DEDD2: variants seen among roughly 807,000 people sequenced by gnomAD.
DEDD2 encodes death effector domain containing 2.
DEDD2 carries 18 observed loss-of-function variants against 28.9 expected under a neutral mutation model. That is an observed-to-expected ratio of 0.62 (90% CI 0.43 to 0.92). The LOEUF (loss-of-function observed/expected upper bound fraction) is 0.92. Ranked by LOEUF, DEDD2 falls within the 40% of genes least tolerant of loss-of-function variation. The probability of loss-of-function intolerance (pLI) is 0.00; values close to 1 mark genes in which losing one functional copy is unlikely to be tolerated. For synonymous variants in DEDD2, 211 were observed against 206.1 expected (o/e 1.02, Z -0.20); for missense variants, 411 against 463.3 (o/e 0.89, Z 1.04).
chr19:42,199,640 T>A lies in DEDD2; in HGVS notation c.779A>T (p.Asp260Val). The A allele has an allele frequency of 6.2e-7, 1 of 1,614,084 alleles. No homozygotes were observed. The highest frequency in any genetic ancestry group is 8.5e-7 in the Non-Finnish European group (1 of 1,179,970). The change falls in exon 5 of 5, where the codon GAC becomes GTC. Residue 260 changes from aspartate (D) to valine (V), a missense_variant. Asp to Val is a radical substitution (Grantham distance 152). This residue lies in a region of DEDD2 where 129 missense variants were observed against 189.9 expected (regional missense o/e 0.68). Coordinates refer to ENST00000596251, the MANE Select transcript of DEDD2 (RefSeq NM_133328.4). The surrounding 1 kb of genome is among the most constrained non-coding windows in gnomAD (Gnocchi z 7.4). ...DIKFSELSYL[D>V]AFWGDYLSGA... ...ACTCAGGTAGTCGCCCCAGAAGGCG[T>A]CCAGATAGGAGAGCTCTGAGAACTT...
upstream of DEDD2, among the ~76,000 whole-genome samples, chr19:42,218,388 C>A (rs910135610): frequency 6.6e-6 from 1 of 152,096 alleles, no homozygotes; most frequent in African/African-American, 2.4e-5. Flanking sequence ...CGACCCCCAT[C>A]ACAGTCAGAT....
At chr19:42,206,220 C>T (rs1382695720) in intron 4 of DEDD2, among the ~76,000 whole-genome samples, 1 of 152,010 alleles carries the variant, frequency 6.6e-6, no homozygotes, top group East Asian at 1.9e-4. Flanking sequence ...TTCCCTCTCC[C>T]GCCCTCACCT....
chr19:42,199,516 C>T lies in DEDD2; in HGVS notation c.903G>A (p.Glu301=). ...EAVRLLVSVD[E]ADYEAGRRRL... Reference sequence around the variant, plus strand: ...GGCGCCGGCCAGCCTCATAGTCAGCCTCATCCACACTGACCAGCAGGCGAA... The same window carrying T: ...GGCGCCGGCCAGCCTCATAGTCAGCTTCATCCACACTGACCAGCAGGCGAA... Residue 301 remains glutamate (E), a synonymous_variant, in exon 5 of 5, where the codon GAG becomes GAA. Transcript: ENST00000596251. The surrounding 1 kb of genome is among the most constrained non-coding windows in gnomAD (Gnocchi z 7.4). 7.4e-6 allele frequency: 12 copies of T among 1,613,984 alleles called. No individual in the cohort carries two copies. Among genetic ancestry groups the T allele is most frequent in the Non-Finnish European group, 9.3e-6 (11 of 1,179,954 alleles).
intron 2 of DEDD2, 138 bp from the exon 3 acceptor site, chr19:42,215,390 C>G: frequency 9.2e-6 from 10 of 1,086,662 alleles, no homozygotes; most frequent in Non-Finnish European, 1.3e-5. Context: ...CAAACACCTC[C>G]TGCAGAGGTT....
chr19:42,211,651 T>C (rs1268107314), intron 3 of DEDD2, among the ~76,000 whole-genome samples: 1 of 152,246 alleles, frequency 6.6e-6, no homozygotes, highest in African/African-American at 2.4e-5. Flanking sequence ...TGTACTGACT[T>C]TGTTATTTTG....
upstream of DEDD2, among the ~76,000 whole-genome samples, chr19:42,218,723 G>A (rs2036070764): frequency 6.6e-6 from 1 of 152,222 alleles, no homozygotes; most frequent in Non-Finnish European, 1.5e-5. Context: ...GGCTCTGCCT[G>A]AGCTGTAGCA....
At chr19:42,207,664 T>G (rs2035586923) in intron 4 of DEDD2, among the ~76,000 whole-genome samples, 1 of 152,206 alleles carries the variant, frequency 6.6e-6, no homozygotes, top group Non-Finnish European at 1.5e-5. Flanking sequence ...GAGGACTTTC[T>G]TCACCTGGTC....
upstream of DEDD2, among the ~76,000 whole-genome samples, chr19:42,218,261 G>A (rs904483231): frequency 3.2e-5 from 4 of 123,328 alleles, no homozygotes; most frequent in Admixed American, 1.9e-4. Context: ...CAGTCTATAA[G>A]TTCCTTCCCC....
intron 4 of DEDD2, among the ~76,000 whole-genome samples, chr19:42,200,933 C>A: frequency 6.6e-6 from 1 of 152,258 alleles, no homozygotes; most frequent in East Asian, 1.9e-4. Flanking sequence ...AATTCCCACC[C>A]ATCACTTAGG....
intron 4 of DEDD2, among the ~76,000 whole-genome samples, chr19:42,200,993 G>C (rs939928780): frequency 3.3e-5 from 5 of 152,194 alleles, no homozygotes; most frequent in Admixed American, 2.6e-4. Flanking sequence ...CTGTCCTGAG[G>C]ATCAGCTGTG....
Position 42,216,979 on chromosome 19 carries a change from G to T in DEDD2, c.29C>A (p.Pro10Gln), listed in dbSNP as rs777384697. ...CAGGCACTCATCCTCCTCCCAGCAC[G>T]GGGCCGGGGTCGACCCGGATAGCGC... MALSGSTPA[P>Q]CWEEDECLDY... The change falls in exon 2 of 5, where the codon CCG (proline) becomes CAG (glutamine). Residue 10 changes from proline to glutamine, a missense_variant. Around this residue, in one of 2 missense-constraint regions of DEDD2, gnomAD observed 282 missense variants for 273.4 expected, o/e 1.03. Transcript: ENST00000596251. 4 of 1,597,614 alleles carry T rather than the reference G, an allele frequency of 2.5e-6. No individual in the cohort carries two copies. Among genetic ancestry groups the T allele is most frequent in the South Asian group, 1.1e-5 (1 of 88,464 alleles).
At chr19:42,205,160 C>T (rs1246112397) in intron 4 of DEDD2, among the ~76,000 whole-genome samples, 2 of 152,078 alleles carry the variant, frequency 1.3e-5, no homozygotes, top group Non-Finnish European at 2.9e-5. Flanking sequence ...ATCCAGTCTT[C>T]GGGAAATGCC....
In DEDD2 at chr19:42,209,800, C is replaced by T; in HGVS notation, c.489G>A (p.Arg163=). The change falls in exon 4 of 5, where the codon CGG becomes CGA. Residue 163 remains arginine (R), a synonymous_variant. Transcript: ENST00000596251. ...PTKRQRRSRG[R]PSGGARRRRR... ...GCCGCCGTCTGGCACCACCACTGGGCCGGCCCCGACTCCGCCGCTGCCGCT... is the reference window on the plus strand; with the variant it reads ...GCCGCCGTCTGGCACCACCACTGGGTCGGCCCCGACTCCGCCGCTGCCGCT... 2 of 1,571,580 alleles carry T rather than the reference C, an allele frequency of 1.3e-6. No homozygotes were observed. The highest frequency in any genetic ancestry group is 1.4e-5 in the African/African-American group (1 of 72,562).
chr19:42,205,581 C>G (rs571718458), intron 4 of DEDD2, among the ~76,000 whole-genome samples: 1 of 151,980 alleles, frequency 6.6e-6, no homozygotes, highest in East Asian at 1.9e-4. Context: ...AGGCTGAGAT[C>G]ACGTCATTGC....
At chr19:42,214,701 C>T (rs140285662) in intron 3 of DEDD2, among the ~76,000 whole-genome samples, 4 of 152,090 alleles carry the variant, frequency 2.6e-5, no homozygotes, top group African/African-American at 7.2e-5. Context: ...AGTTCAAGGC[C>T]GCAGAGAGCT....
chr19:42,202,436 C>T (rs568862299), intron 4 of DEDD2, among the ~76,000 whole-genome samples: 15 of 152,332 alleles, frequency 9.8e-5, no homozygotes, highest in Middle Eastern at 3.4e-3. Context: ...ACATCCTGCC[C>T]AGTTGAATCC....
At chr19:42,217,124 C>G in intron 1 of DEDD2, 79 bp from the exon 2 acceptor site, 1 of 1,125,472 alleles carries the variant, frequency 8.9e-7, no homozygotes, top group Non-Finnish European at 1.3e-6. Flanking sequence ...GCGTCTCCCC[C>G]GCCCAATCGC....
chr19:42,214,648 A>G lies in DEDD2; in HGVS notation c.448+485T>C, dbSNP rs983310179. ...CATGGTGGCATACCCCTGTAGTTCT[A>G]GTTACTTGAGAGGCTGAGGTGGAAG... is the stretch of plus-strand genomic sequence containing the variant. On this transcript the variant is annotated intron_variant, in intron 3 of 4. Transcript: ENST00000596251. Among the ~76,000 whole-genome samples, 17 of 152,268 alleles carry G rather than the reference A, an allele frequency of 1.1e-4. 1 individual carries two copies. Among genetic ancestry groups the G allele is most frequent in the African/African-American group, 3.6e-4 (15 of 41,544 alleles).
chr19:42,216,807 C>T lies in DEDD2; in HGVS notation c.201G>A (p.Glu67=), dbSNP rs753962035. 4.4e-6 allele frequency: 7 copies of T among 1,582,732 alleles called. No individual in the cohort carries two copies. The highest frequency in any genetic ancestry group is 6.0e-6 in the Non-Finnish European group (7 of 1,164,886). Residue 67 remains glutamate, a synonymous_variant, in exon 2 of 5, where the codon GAG becomes GAA. Coordinates refer to ENST00000596251, the MANE Select transcript of DEDD2 (RefSeq NM_133328.4). ...CGCGGCGCTCCAGCTCCAGCAGGAG[C>T]TCTAGGCCGCTGCGGGCCCGGGCTA... is the stretch of plus-strand genomic sequence containing the variant. ...GGLARARSGL[E]LLLELERRGQ... is the part of the protein sequence containing the mutation.
Sources: allele counts gnomAD v4.1 joint callset (sites outside exome capture counted in the v4.1 genomes callset), GRCh38; gene constraint gnomAD v4.1.1; regional missense constraint gnomAD v4.1.1; non-coding constraint Gnocchi (gnomAD v3.1); transcripts MANE v1.5; gene names NCBI Gene and HGNC (gene_info 2026-07-23, HGNC 2026-07-21).